The following TRPM3 variants were observed in gnomAD, a reference collection of about 807,000 sequenced individuals.
TRPM3 encodes transient receptor potential cation channel subfamily M member 3, also known as long transient receptor potential channel 3.
In TRPM3, 77 loss-of-function variants were observed where a neutral mutation model predicts 181.2. That is an observed-to-expected ratio of 0.42 (90% CI 0.35 to 0.51). The LOEUF (loss-of-function observed/expected upper bound fraction) is 0.51. Among genes scored for constraint, TRPM3 ranks in the 20% least tolerant of loss-of-function variants. The pLI is 0.01. For synonymous variants in TRPM3, 745 were observed against 796.4 expected (o/e 0.94, Z 1.09); for missense variants, 1,759 against 2,196.7 (o/e 0.80, Z 3.98).
intron 1 of TRPM3, among the ~76,000 whole-genome samples, chr9:71,378,912 T>C (rs192064697): frequency 2.1e-4 from 32 of 152,136 alleles, no homozygotes; most frequent in African/African-American, 7.2e-4. Flanking sequence ...TGATATAATT[T>C]AGATTTGTGT....
In TRPM3 at chr9:70,761,720, T is replaced by C; in HGVS notation, c.1153A>G (p.Ile385Val). 1 of 1,610,270 alleles carries C rather than the reference T, an allele frequency of 6.2e-7. No individual in the cohort carries two copies. The highest frequency in any genetic ancestry group is 8.5e-7 in the Non-Finnish European group (1 of 1,177,034). ...AGCTGGTCCCTCAAAGATTCATTTA[T>C]CAGTCTGCAAGTAAAAACAATGTCA... ...GHKYSEEGGL[I>V]NESLRDQLLV... The change falls in exon 8 of 26, where the codon ATA becomes GTA. Residue 385 changes from isoleucine to valine, a missense_variant. By Grantham distance (29) the Ile-to-Val change is conservative (BLOSUM62 3). Transcript: ENST00000677713.
intron 1 of TRPM3, among the ~76,000 whole-genome samples, chr9:71,362,293 C>T (rs1448829536): frequency 6.6e-6 from 1 of 152,160 alleles, no homozygotes; most frequent in Non-Finnish European, 1.5e-5. Flanking sequence ...AGGAGATGCA[C>T]CTATAGCCGT....
intron 9 of TRPM3, among the ~76,000 whole-genome samples, chr9:70,675,071 T>A (rs2134141141): frequency 6.6e-6 from 1 of 152,202 alleles, no homozygotes; most frequent in Admixed American, 6.5e-5. Flanking sequence ...TTTTTGCATT[T>A]CAATTTCAAT....
At chr9:71,400,220 T>G (rs1281204658) in intron 1 of TRPM3, among the ~76,000 whole-genome samples, 2 of 152,142 alleles carry the variant, frequency 1.3e-5, no homozygotes, top group Non-Finnish European at 1.5e-5. Context: ...CTCAGTCTCC[T>G]AAAGGGCTTA....
chr9:71,377,790 A>T (rs926208428), intron 1 of TRPM3, among the ~76,000 whole-genome samples: 2 of 152,060 alleles, frequency 1.3e-5, no homozygotes, highest in African/African-American at 4.8e-5. Context: ...AGCTTCCCAT[A>T]GATTATTTTT....
chr9:71,432,674 T>C lies in TRPM3; in HGVS notation c.183+13979A>G, dbSNP rs188229805. ...TGTCACAAAATGGCTGTCGATAATTTAGAACATGGAAAACAATTTTAAAGT... is the reference window on the plus strand; with the variant it reads ...TGTCACAAAATGGCTGTCGATAATTCAGAACATGGAAAACAATTTTAAAGT... On this transcript the variant is annotated intron_variant, in intron 1 of 24. Transcript: ENST00000357533. Among the ~76,000 whole-genome samples, 654 of 152,292 alleles carry C rather than the reference T, an allele frequency of 4.3e-3. 3 individuals carry two copies. Among genetic ancestry groups the C allele is most frequent in the African/African-American group, 0.015 (630 of 41,554 alleles).
intron 1 of TRPM3, among the ~76,000 whole-genome samples, chr9:70,985,925 CA>C (rs961433729): frequency 6.6e-6 from 1 of 152,108 alleles, no homozygotes; most frequent in African/African-American, 2.4e-5. Flanking sequence ...ATAAAGTCAA[CA>C]AAAATTCAGT....
At chr9:71,131,839 G>GT (rs1478082497) in intron 1 of TRPM3, among the ~76,000 whole-genome samples, 2 of 152,180 alleles carry the variant, frequency 1.3e-5, no homozygotes, top group Non-Finnish European at 1.5e-5. Flanking sequence ...AGGAAAAGGA[G>GT]TAAGTACAGG....
Position 70,971,750 on chromosome 9 carries a change from G to T in TRPM3, c.178-107239C>A, listed in dbSNP as rs565237562. Among the ~76,000 whole-genome samples the T allele has an allele frequency of 3.3e-5, 5 of 152,202 alleles. No individual in the cohort carries two copies. In the East Asian group the frequency reaches 5.8e-4, roughly 18 times the overall value. ...ACTGAGAAGAGGTAAGGAACCATTT[G>T]GGAAGTAGATTGTACTGGGGACACT... On this transcript the variant is annotated intron_variant, in intron 1 of 25. Transcript: ENST00000677713.
chr9:70,813,682 CT>C (rs1257745515), intron 6 of TRPM3, among the ~76,000 whole-genome samples: 1 of 152,168 alleles, frequency 6.6e-6, no homozygotes, highest in Admixed American at 6.5e-5. Flanking sequence ...AAAACACTTG[CT>C]GCTTTATAAT....
chr9:71,217,284 A>G (rs1010206862), intron 1 of TRPM3, among the ~76,000 whole-genome samples: 3 of 152,110 alleles, frequency 2.0e-5, no homozygotes, highest in Non-Finnish European at 4.4e-5. Flanking sequence ...TCTCTCCTAT[A>G]AACTCTAGAC....
At chr9:71,265,979 A>T (rs753682903) in intron 1 of TRPM3, among the ~76,000 whole-genome samples, 2 of 152,188 alleles carry the variant, frequency 1.3e-5, no homozygotes, top group Non-Finnish European at 2.9e-5. Context: ...CTGAGTGTCA[A>T]CTAGTTTGTT....
chr9:71,135,672 C>G (rs1002003131), intron 1 of TRPM3, among the ~76,000 whole-genome samples: 3 of 152,088 alleles, frequency 2.0e-5, no homozygotes, highest in Admixed American at 6.6e-5. Flanking sequence ...GCTAAACTTA[C>G]CTAGAACATT....
chr9:71,083,525 C>T (rs1391327155), intron 1 of TRPM3, among the ~76,000 whole-genome samples: 1 of 151,940 alleles, frequency 6.6e-6, no homozygotes, highest in African/African-American at 2.4e-5. Flanking sequence ...TTTCACAATG[C>T]TCTGACTATA....
intron 1 of TRPM3, among the ~76,000 whole-genome samples, chr9:71,141,585 C>T (rs1243314657): frequency 6.6e-6 from 1 of 152,128 alleles, no homozygotes; most frequent in Non-Finnish European, 1.5e-5. Flanking sequence ...TTCAAACACA[C>T]ACCTGAAATA....
chr9:70,983,548 C>A (rs1023876605), intron 1 of TRPM3, among the ~76,000 whole-genome samples: 2 of 152,148 alleles, frequency 1.3e-5, no homozygotes, highest in Non-Finnish European at 2.9e-5. Context: ...TGATTCAGAG[C>A]GTGCTAGAGC....
At chr9:70,821,201 C>T (rs1210008825) in intron 6 of TRPM3, among the ~76,000 whole-genome samples, 2 of 152,052 alleles carry the variant, frequency 1.3e-5, no homozygotes, top group Non-Finnish European at 2.9e-5. Context: ...TAAGATCTAG[C>T]CTATGTGTGG....
chr9:71,038,212 T>C (rs534330317), intron 1 of TRPM3, among the ~76,000 whole-genome samples: 2 of 152,360 alleles, frequency 1.3e-5, no homozygotes, highest in Non-Finnish European at 2.9e-5. Flanking sequence ...TTGAGAACAC[T>C]TCTCCACTAA....
At chr9:70,653,416 A>T (rs114381004) in intron 9 of TRPM3, among the ~76,000 whole-genome samples, 131 of 152,122 alleles carry the variant, frequency 8.6e-4, no homozygotes, top group African/African-American at 3.1e-3. Context: ...CATCACAAGC[A>T]TGTCACGGCC....
Sources: allele counts gnomAD v4.1 joint callset (sites outside exome capture counted in the v4.1 genomes callset), GRCh38; gene constraint gnomAD v4.1.1; transcripts MANE v1.5; gene names NCBI Gene and HGNC (gene_info 2026-07-23, HGNC 2026-07-21).